Variants in SSX1 observed in about 807,000 individuals in gnomAD.
SSX1 encodes the protein protein SSX1.
In SSX1, 58 loss-of-function variants were observed where a neutral mutation model predicts 14.6. The observed-to-expected ratio is 3.96, with a 90% CI of 3.21 to 4.93. SSX1 has a LOEUF of 4.93. Among genes scored for constraint, SSX1 ranks in the 30% most tolerant of loss-of-function variants. The pLI is 0.00. For synonymous variants in SSX1, 46 were observed against 52.1 expected (o/e 0.88, Z 0.50); for missense variants, 272 against 143.1 (o/e 1.90, Z -4.60).
chrX:48,267,280 C>CACACACACAGAG lies in SSX1; in HGVS notation c.*440_*441insGAGACACACACA. Reference sequence around the variant, plus strand: ...TTACACACACACACACACACACACGCACACACACACACCAAGTACCAGTAT... The same window carrying CACACACACAGAG: ...TTACACACACACACACACACACACGCACACACACAGAGACACACACACACCAAGTACCAGTAT... On this transcript the variant is annotated 3_prime_UTR_variant, in exon 8 of 8. Coordinates refer to ENST00000376919, the MANE Select transcript of SSX1 (RefSeq NM_005635.4). 2 of 219,754 alleles carry CACACACACAGAG rather than the reference C, an allele frequency of 9.1e-6. No individual in the cohort carries two copies. The highest frequency in any genetic ancestry group is 6.0e-5 in the African/African-American group (2 of 33,089). 18.1% of individuals were successfully genotyped at this position (219,754 alleles called of 1,213,427 possible).
intron 4 of SSX1, among the ~76,000 whole-genome samples, chrX:48,260,012 C>A (rs1435839330): frequency 2.0e-5 from 2 of 100,250 alleles, no homozygotes; most frequent in Non-Finnish European, 4.1e-5. Flanking sequence ...TTCTAGATTC[C>A]TGAGGAATCT....
In SSX1 at chrX:48,257,205, G is replaced by A. The variant is rs781804157; in HGVS notation, c.-20-17G>A. The A allele has an allele frequency of 8.3e-7, 1 of 1,202,975 alleles. No individual in the cohort carries two copies. Among genetic ancestry groups the A allele is most frequent in the African/African-American group, 1.8e-5 (1 of 57,084 alleles). Reference sequence around the variant, plus strand: ...AGGGTCCTGTAGCTAGAAAGTCTCAGGCTGTTTCTCTTGCAGGTGAGACTG... The same window carrying A: ...AGGGTCCTGTAGCTAGAAAGTCTCAAGCTGTTTCTCTTGCAGGTGAGACTG... On this transcript the variant is annotated splice_polypyrimidine_tract_variant and intron_variant, in intron 1 of 7. Transcript: ENST00000376919.
intron 6 of SSX1, among the ~76,000 whole-genome samples, chrX:48,264,824 C>A (rs782549765): frequency 3.3e-4 from 37 of 112,797 alleles, no homozygotes; most frequent in Non-Finnish European, 5.8e-4. Context: ...GCTGTTTAAT[C>A]TATATTGAAA....
At chrX:48,256,487 A>T (rs2059582530) in intron 1 of SSX1, among the ~76,000 whole-genome samples, 1 of 40,841 alleles carries the variant, frequency 2.4e-5, no homozygotes, top group Admixed American at 3.7e-4. Flanking sequence ...TTTTGTAGAG[A>T]TGAGGGGTTT....
chrX:48,263,658 T>C, intron 5 of SSX1, 124 bp from the exon 6 acceptor site: 1 of 986,076 alleles, frequency 1.0e-6, no homozygotes. Flanking sequence ...TTTAGGCAAG[T>C]GTAACTCTCC....
At chrX:48,258,161 G>A (rs1438413404) in intron 3 of SSX1, among the ~76,000 whole-genome samples, 2 of 96,787 alleles carry the variant, frequency 2.1e-5, no homozygotes, top group Non-Finnish European at 4.1e-5. Flanking sequence ...CCTCCTCTCA[G>A]CTTGTCTCTT....
At chrX:48,265,658 G>T (rs1305161113) in intron 6 of SSX1, among the ~76,000 whole-genome samples, 5 of 111,715 alleles carry the variant, frequency 4.5e-5, no homozygotes, top group African/African-American at 1.6e-4. Context: ...TAATTGGATT[G>T]TTTGTAACAC....
At position 48,257,254 on chromosome X, in the gene SSX1, G is replaced by A. The variant is rs142416571; in HGVS notation, c.13G>A (p.Asp5Asn). 9.3e-5 allele frequency: 112 copies of A among 1,209,301 alleles called. No individual in the cohort carries two copies. The highest frequency in any genetic ancestry group is 3.3e-4 in the East Asian group (11 of 33,751). Residue 5 changes from aspartate (D) to asparagine (N), a missense_variant, in exon 2 of 8, where the codon GAC becomes AAC. Asp to Asn is a conservative substitution (Grantham distance 23, BLOSUM62 1). Coordinates refer to ENST00000376919, the MANE Select transcript of SSX1 (RefSeq NM_005635.4). MNGD[D>N]TFAKRPRDDA... ...TGCTCCTGGTGCCATGAACGGAGAC[G>A]ACACCTTTGCAAAGAGACCCAGGGA...
intron 3 of SSX1, 144 bp from the exon 4 acceptor site, chrX:48,258,392 C>G: frequency 2.0e-6 from 1 of 502,371 alleles, no homozygotes. Context: ...GGGGGTCTCT[C>G]TATGTTACAC....
chrX:48,258,745 G>C (rs1380605172), intron 4 of SSX1, 114 bp downstream of exon 4: 1 of 509,798 alleles, frequency 2.0e-6, no homozygotes. Context: ...AGGGTTGAGT[G>C]AAAAAAAAAA....
chrX:48,263,597 T>C (rs1383842771), intron 5 of SSX1, among the ~76,000 whole-genome samples, 185 bp from the exon 6 acceptor site: 4 of 111,706 alleles, frequency 3.6e-5, no homozygotes, highest in Non-Finnish European at 7.5e-5. Flanking sequence ...CCCTGGAAAC[T>C]GCATTCATTT....
intron 1 of SSX1, among the ~76,000 whole-genome samples, chrX:48,256,455 G>GTTTTTTTTTTTT (rs1190862256): frequency 1.9e-4 from 6 of 31,163 alleles, no homozygotes; most frequent in South Asian, 1.8e-3. Flanking sequence ...TTGTGTGGTT[G>GTTTTTTTTTTTT]TTTTTTTTTT....
In SSX1 at chrX:48,257,510, G is replaced by A. The variant is rs1439435657; in HGVS notation, c.69+200G>A. On this transcript the variant is annotated intron_variant, in intron 2 of 7. Coordinates refer to ENST00000376919, the MANE Select transcript of SSX1 (RefSeq NM_005635.4). ...AGTCTCTGACCTTGCTCTACATTTG[G>A]TAACTCTCAGTCCATTCTGGAAGGT... is the stretch of plus-strand genomic sequence containing the variant. 4.0e-6 allele frequency: 3 copies of A among 751,242 alleles called. No individual in the cohort carries two copies. In the African/African-American group the frequency reaches 7.0e-5, roughly 18 times the overall value. 61.9% of individuals were successfully genotyped at this position (751,242 alleles called of 1,213,427 possible). A position where few individuals can be genotyped will look rare whatever the true frequency, so the allele number is the denominator to read the frequency against.
In SSX1 at chrX:48,263,798, CA is replaced by C; in HGVS notation, c.348del (p.Ala117GlnfsTer59). The stretch of plus-strand genomic sequence containing the variant: ...ATTATAAAGATCATGCCCAAGAAGC[CA>C]GCAGAGGACGAAAATGATTCGAAGG... ...RIIPKIMPKK[P>X]AEDENDSKGV... On this transcript the variant is annotated frameshift_variant, in exon 6 of 8. Transcript: ENST00000376919. LOFTEE classifies it high-confidence loss of function. 1 of 1,211,409 alleles carries C rather than the reference CA, an allele frequency of 8.3e-7. No homozygotes were observed. Among genetic ancestry groups the C allele is most frequent in the African/African-American group, 1.7e-5 (1 of 57,749 alleles).
Position 48,258,642 on chromosome X carries a change from G to A in SSX1, c.280+11G>A. 2 of 1,171,348 alleles carry A rather than the reference G, an allele frequency of 1.7e-6. No individual in the cohort carries two copies. Among genetic ancestry groups the A allele is most frequent in the South Asian group, 1.8e-5 (1 of 55,389 alleles). ...ACCGCAGGATTCAGGGTGAGTAGAT[G>A]GGAAGTGGCTGGAAAGGTCTCCTGA... On this transcript the variant is annotated intron_variant, in intron 4 of 7. Coordinates refer to ENST00000376919, the MANE Select transcript of SSX1 (RefSeq NM_005635.4).
In SSX1 at chrX:48,258,897, T is replaced by C. The variant is rs189067396; in HGVS notation, c.280+266T>C. Among the ~76,000 whole-genome samples the C allele has an allele frequency of 4.4e-3, 489 of 111,680 alleles. 4 individuals are homozygous for C. The highest frequency in any genetic ancestry group is 0.015 in the African/African-American group (467 of 30,786). ...TAAAAAGGCATCAGATTGAGGAGAC[T>C]GGCTGTAAATGGAGAAGGGGCGGGG... is the stretch of plus-strand genomic sequence containing the variant. On this transcript the variant is annotated intron_variant, in intron 4 of 7. Transcript: ENST00000376919.
In SSX1 at chrX:48,263,870, A is replaced by G; in HGVS notation, c.419A>G (p.His140Arg). The G allele has an allele frequency of 8.3e-7, 1 of 1,211,167 alleles. No individual in the cohort carries two copies. Residue 140 changes from histidine to arginine, a missense_variant, in exon 6 of 8, where the codon CAC (histidine) becomes CGC (arginine). Physicochemically the swap from His to Arg is conservative, Grantham distance 29. Transcript: ENST00000376919. ...CCACAAAACGATGGGAAACAACTGC[A>G]CCCCCCAGGAAAAGCAAATATTTCT... ...SGPQNDGKQL[H>R]PPGKANISEK...
At chrX:48,256,077 C>A (rs12853926) in intron 1 of SSX1, among the ~76,000 whole-genome samples, 44,187 of 106,392 alleles carry the variant, frequency 0.42, 7,019 homozygotes, top group Non-Finnish European at 0.46. Context: ...TTATGTTGGC[C>A]GAACTGGGCT....
chrX:48,258,471 G>A (rs2059591760), intron 3 of SSX1, 65 bp from the exon 4 acceptor site: 1 of 887,648 alleles, frequency 1.1e-6, no homozygotes, highest in East Asian at 3.1e-5. Flanking sequence ...CGGTACTACA[G>A]ACATGAGCCA....
Sources: allele counts gnomAD v4.1 joint callset (sites outside exome capture counted in the v4.1 genomes callset), GRCh38; gene constraint gnomAD v4.1.1; transcripts MANE v1.5; gene names NCBI Gene and HGNC (gene_info 2026-07-23, HGNC 2026-07-21).